The following CDH12 variants were observed in gnomAD, a reference collection of about 807,000 sequenced individuals.
The protein encoded by CDH12 is cadherin-12.
Under a neutral mutation model 74.1 loss-of-function variants are expected in CDH12, and 41 were observed. The ratio of observed to expected loss-of-function variants is 0.55; its 90% CI spans 0.43 to 0.72. CDH12 has a LOEUF of 0.72. Among genes scored for constraint, CDH12 ranks in the 30% least tolerant of loss-of-function variants. CDH12 has a pLI of 0.00. For synonymous variants in CDH12, 399 were observed against 355.0 expected (o/e 1.12, Z -1.39); for missense variants, 945 against 977.2 (o/e 0.97, Z 0.44).
At chr5:22,714,209 A>T (rs1743446249) in intron 1 of CDH12, among the ~76,000 whole-genome samples, 1 of 152,190 alleles carries the variant, frequency 6.6e-6, no homozygotes, top group Non-Finnish European at 1.5e-5. Flanking sequence ...TTTCTAATGC[A>T]GAGCGATTTG....
intron 6 of CDH12, among the ~76,000 whole-genome samples, chr5:21,961,571 T>C (rs1472910996): frequency 1.3e-5 from 2 of 152,132 alleles, no homozygotes; most frequent in South Asian, 2.1e-4. Flanking sequence ...TCTTTATAGA[T>C]GTAATCAAGT....
At chr5:22,176,193 C>G (rs1580360153) in intron 4 of CDH12, among the ~76,000 whole-genome samples, 1 of 151,866 alleles carries the variant, frequency 6.6e-6, no homozygotes, top group East Asian at 1.9e-4. Flanking sequence ...TAATCCAGGA[C>G]AAACTTTGTA....
chr5:22,195,878 C>T (rs1234368925), intron 4 of CDH12, among the ~76,000 whole-genome samples: 2 of 152,004 alleles, frequency 1.3e-5, no homozygotes, highest in African/African-American at 4.8e-5. Context: ...GGTGGCATCT[C>T]TCCTCCCTCT....
At chr5:22,810,934 CACATATATACTT>C (rs1376180543) in intron 1 of CDH12, among the ~76,000 whole-genome samples, 1 of 150,002 alleles carries the variant, frequency 6.7e-6, no homozygotes. Flanking sequence ...TGTGTGTATA[CACATATATACTT>C]ACATATATAC....
intron 2 of CDH12, among the ~76,000 whole-genome samples, chr5:22,429,976 T>G (rs1744099499): frequency 6.6e-6 from 1 of 152,208 alleles, no homozygotes; most frequent in Non-Finnish European, 1.5e-5. Flanking sequence ...AAACTCAGTG[T>G]GACAATACCT....
intron 6 of CDH12, among the ~76,000 whole-genome samples, chr5:21,932,696 C>T (rs577430304): frequency 3.0e-4 from 45 of 151,926 alleles, no homozygotes; most frequent in Middle Eastern, 3.4e-3. Context: ...GTTAAGAGAT[C>T]GAGACCATCC....
intron 3 of CDH12, among the ~76,000 whole-genome samples, chr5:22,271,865 G>A (rs1736416029): frequency 6.6e-6 from 1 of 151,944 alleles, no homozygotes; most frequent in Admixed American, 6.6e-5. Context: ...AAACAATCAT[G>A]CTATCACTCA....
In CDH12 at chr5:22,475,376, G is replaced by T. The variant is rs561129394; in HGVS notation, c.-428+29894C>A. On this transcript the variant is annotated intron_variant, in intron 2 of 14. Transcript: ENST00000382254. ...AATAACTAACCGATTAATAGGAAATGATTTAATATACCCTTTCTGGGTCTG... is the reference window on the plus strand; with the variant it reads ...AATAACTAACCGATTAATAGGAAATTATTTAATATACCCTTTCTGGGTCTG... Among the ~76,000 whole-genome samples, 12 of 151,976 alleles carry T rather than the reference G, an allele frequency of 7.9e-5. No homozygotes were observed. The South Asian group carries it at 2.3e-3, about 29-fold the overall frequency.
At chr5:22,274,958 A>G (rs1736563758) in intron 3 of CDH12, among the ~76,000 whole-genome samples, 1 of 152,190 alleles carries the variant, frequency 6.6e-6, no homozygotes, top group Non-Finnish European at 1.5e-5. Flanking sequence ...AGTGCACTGT[A>G]TGAGTTCCAA....
intron 6 of CDH12, among the ~76,000 whole-genome samples, chr5:21,952,721 A>G (rs933603415): frequency 1.3e-5 from 2 of 151,932 alleles, no homozygotes; most frequent in African/African-American, 4.9e-5. Context: ...TTGAATGAAT[A>G]AAATATTTGA....
At chr5:21,923,527 A>G (rs1034512679) in intron 6 of CDH12, among the ~76,000 whole-genome samples, 1 of 152,088 alleles carries the variant, frequency 6.6e-6, no homozygotes, top group Non-Finnish European at 1.5e-5. Flanking sequence ...TAAATAGTAT[A>G]ATGTTCCTTC....
At chr5:22,698,698 T>G (rs1322294954) in intron 1 of CDH12, among the ~76,000 whole-genome samples, 5 of 11,694 alleles carry the variant, frequency 4.3e-4, no homozygotes, top group African/African-American at 1.2e-3. Flanking sequence ...TATATATATA[T>G]ATATATATAT....
At chr5:22,713,843 T>G (rs980969197) in intron 1 of CDH12, among the ~76,000 whole-genome samples, 3 of 152,158 alleles carry the variant, frequency 2.0e-5, no homozygotes, top group Admixed American at 1.3e-4. Context: ...CTTTCAAAAC[T>G]CACATATTCC....
intron 3 of CDH12, among the ~76,000 whole-genome samples, chr5:22,339,989 T>G (rs1246263460): frequency 6.6e-6 from 1 of 152,194 alleles, no homozygotes; most frequent in Non-Finnish European, 1.5e-5. Flanking sequence ...ATAAGTACAT[T>G]TCTATTTTAC....
At chr5:22,122,479 G>T (rs949408966) in intron 4 of CDH12, among the ~76,000 whole-genome samples, 10 of 151,932 alleles carry the variant, frequency 6.6e-5, no homozygotes, top group Admixed American at 6.6e-5. Flanking sequence ...TCTTCCGAAG[G>T]ACTCATCTCC....
chr5:21,930,254 T>C (rs1336930356), intron 6 of CDH12, among the ~76,000 whole-genome samples: 1 of 152,180 alleles, frequency 6.6e-6, no homozygotes, highest in Non-Finnish European at 1.5e-5. Flanking sequence ...GAGGAAATGA[T>C]GTTGCCATGT....
At chr5:22,059,359 CTATCTATCTAT>C (rs1741017820) in intron 5 of CDH12, among the ~76,000 whole-genome samples, 2 of 122,118 alleles carry the variant, frequency 1.6e-5, no homozygotes, top group East Asian at 4.0e-4. Context: ...ATCTATCTAT[CTATCTATCTAT>C]CTATCTATCT....
chr5:22,031,612 A>C (rs1738831584), intron 5 of CDH12, among the ~76,000 whole-genome samples: 1 of 152,172 alleles, frequency 6.6e-6, no homozygotes, highest in South Asian at 2.1e-4. Flanking sequence ...TTTTGATGTA[A>C]AGTGAGAAAC....
At chr5:21,881,088 T>G (rs2150032994) in intron 6 of CDH12, among the ~76,000 whole-genome samples, 1 of 152,210 alleles carries the variant, frequency 6.6e-6, no homozygotes, top group Non-Finnish European at 1.5e-5. Context: ...CAGCTCACAC[T>G]GCACTATGCA....
Sources: allele counts gnomAD v4.1 joint callset (sites outside exome capture counted in the v4.1 genomes callset), GRCh38; gene constraint gnomAD v4.1.1; transcripts MANE v1.5; gene names NCBI Gene and HGNC (gene_info 2026-07-23, HGNC 2026-07-21).